Variants in ASXL1 observed in about 807,000 individuals in gnomAD.
ASXL1 encodes polycomb group protein ASXL1.
In ASXL1, 65 loss-of-function variants were observed where a neutral mutation model predicts 89.1. The ratio of observed to expected loss-of-function variants is 0.73; its 90% CI spans 0.60 to 0.90. The LOEUF (loss-of-function observed/expected upper bound fraction) is 0.90. ASXL1 is among the 40% of genes least tolerant of loss of function. The probability of loss-of-function intolerance (pLI) is 0.00; values close to 1 mark genes in which losing one functional copy is unlikely to be tolerated. For synonymous variants in ASXL1, 739 were observed against 746.9 expected (o/e 0.99, Z 0.17); for missense variants, 1,786 against 1,942.9 (o/e 0.92, Z 1.52).
chr20:32,434,648 G>A lies in ASXL1; in HGVS notation c.1936G>A (p.Gly646Ser). The A allele has an allele frequency of 1.2e-6, 2 of 1,605,532 alleles. No individual in the cohort carries two copies. The highest frequency in any genetic ancestry group is 1.7e-6 in the Non-Finnish European group (2 of 1,175,842). The change falls in exon 13 of 13, where the codon GGC becomes AGC. Residue 646 changes from glycine (G) to serine (S), a missense_variant. Transcript: ENST00000375687. ...AATTAIGGGG[G>S]PGGGGGGATD... ...CACCACTGCCATCGGAGGGGGGGGT[G>A]GCCCGGGTGGAGGTGGCGGCGGGGC...
In ASXL1 at chr20:32,429,198, T is replaced by C; in HGVS notation, c.472-140T>C. 1.2e-6 allele frequency: 1 copy of C among 822,930 alleles called. No individual in the cohort carries two copies. Among genetic ancestry groups the C allele is most frequent in the Non-Finnish European group, 2.0e-6 (1 of 488,564 alleles). The allele number at this position is 822,930 out of a possible 1,614,324, so 51.0% of individuals were successfully genotyped here. On this transcript the variant is annotated intron_variant, in intron 6 of 12. Transcript: ENST00000375687. The surrounding 1 kb of genome is among the most constrained non-coding windows in gnomAD (Gnocchi z 4.9). Reference sequence around the variant, plus strand: ...GTAGCTCAGTAACATTAACCAGTGCTCTTGTCAGCATTATTTGACAGATCT... The same window carrying C: ...GTAGCTCAGTAACATTAACCAGTGCCCTTGTCAGCATTATTTGACAGATCT...
intron 4 of ASXL1, among the ~76,000 whole-genome samples, chr20:32,407,981 A>G (rs2048983677): frequency 6.6e-6 from 1 of 152,188 alleles, no homozygotes; most frequent in Non-Finnish European, 1.5e-5. Flanking sequence ...TTTGTCACCC[A>G]GGCTGGAGTG....
At chr20:32,376,222 G>GTTATTTTATTTTATTTTTATT (rs2048375360) in intron 4 of ASXL1, among the ~76,000 whole-genome samples, 1 of 151,904 alleles carries the variant, frequency 6.6e-6, no homozygotes, top group African/African-American at 2.4e-5. Flanking sequence ...GAAGACACCA[G>GTTATTTTATTTTATTTTTATT]TTATTTTATT....
Position 32,434,963 on chromosome 20 carries a change from G to GT in ASXL1, c.2253dup (p.Ala752CysfsTer22). ...GCTAGGAGATGCCTCCCAACTCCCC[G>GT]TTGCTCCCACTGGGGACCAGCCATG... is the stretch of plus-strand genomic sequence containing the variant. On this transcript the variant is annotated frameshift_variant, in exon 13 of 13. Transcript: ENST00000375687. LOFTEE classifies it low-confidence loss of function (END_TRUNC). 6.2e-7 allele frequency: 1 copy of GT among 1,614,054 alleles called. No homozygotes were observed. Among genetic ancestry groups the GT allele is most frequent in the Non-Finnish European group, 8.5e-7 (1 of 1,180,014 alleles).
In ASXL1 at chr20:32,393,380, T is replaced by C. The variant is rs76499807; in HGVS notation, c.252+24257T>C. The stretch of plus-strand genomic sequence containing the variant: ...TCTTTATGTTTAAAGTGGTTTTTTT[T>C]CCCAGGCATCATGTGTTTGGGATCT... On this transcript the variant is annotated intron_variant, in intron 4 of 12. Coordinates refer to ENST00000375687, the MANE Select transcript of ASXL1 (RefSeq NM_015338.6). Among the ~76,000 whole-genome samples, 99 of 152,354 alleles carry C rather than the reference T, an allele frequency of 6.5e-4. 2 individuals carry two copies. Among genetic ancestry groups the C allele is most frequent in the African/African-American group, 1.3e-3 (56 of 41,584 alleles).
At chr20:32,418,957 C>T (rs932945350) in intron 4 of ASXL1, among the ~76,000 whole-genome samples, 1 of 150,256 alleles carries the variant, frequency 6.7e-6, no homozygotes, top group Non-Finnish European at 1.5e-5. Flanking sequence ...CTTAGCCTTG[C>T]GAGTAGCTAG....
At position 32,436,780 on chromosome 20, in the gene ASXL1, G is replaced by A; in HGVS notation, c.4068G>A (p.Trp1356Ter). ...GGGTACAGACTCCAAGGGAAGACTGGGCTCCAAAGCCACATGCCTTTGTTG... is the reference window on the plus strand; with the variant it reads ...GGGTACAGACTCCAAGGGAAGACTGAGCTCCAAAGCCACATGCCTTTGTTG... ...SGGVQTPRED[W>*]APKPHAFVGS... Residue 1356 changes from tryptophan to a stop codon, truncating the protein, a stop_gained, in exon 13 of 13, where the codon TGG (tryptophan) becomes TGA (stop). Transcript: ENST00000375687. LOFTEE classifies it high-confidence loss of function. 1 of 1,614,196 alleles carries A rather than the reference G, an allele frequency of 6.2e-7. No homozygotes were observed. The highest frequency in any genetic ancestry group is 8.5e-7 in the Non-Finnish European group (1 of 1,180,048).
intron 4 of ASXL1, among the ~76,000 whole-genome samples, chr20:32,421,376 T>C (rs1388453325): frequency 1.3e-5 from 2 of 151,996 alleles, no homozygotes; most frequent in African/African-American, 2.4e-5. Flanking sequence ...CCCACTAGAA[T>C]GGCTAAAATA....
chr20:32,369,140 C>G lies in ASXL1; in HGVS notation c.252+17C>G. The G allele has an allele frequency of 6.3e-7, 1 of 1,580,030 alleles. No homozygotes were observed. Among genetic ancestry groups the G allele is most frequent in the South Asian group, 1.1e-5 (1 of 90,408 alleles). ...ACGCTCAAGGTAAGTGATATGAACT[C>G]TCTTTTGGTGCAGTGATTCTTGGAC... On this transcript the variant is annotated intron_variant, in intron 4 of 12. Coordinates refer to ENST00000375687, the MANE Select transcript of ASXL1 (RefSeq NM_015338.6).
chr20:32,397,010 A>AC (rs11483806), intron 4 of ASXL1, among the ~76,000 whole-genome samples: 51,151 of 146,644 alleles, frequency 0.35, 10,108 homozygotes, highest in East Asian at 0.74. Flanking sequence ...AAAAACAAAC[A>AC]AAAAAAACTC....
chr20:32,381,402 G>C (rs1165866937), intron 4 of ASXL1, among the ~76,000 whole-genome samples: 2 of 151,690 alleles, frequency 1.3e-5, no homozygotes, highest in Non-Finnish European at 2.9e-5. Flanking sequence ...AGGTCTTACT[G>C]TGTTGCCCAG....
intron 3 of ASXL1, among the ~76,000 whole-genome samples, chr20:32,368,092 TC>T (rs2048236298): frequency 6.6e-6 from 1 of 152,194 alleles, no homozygotes; most frequent in South Asian, 2.1e-4. Context: ...AATTAGGGCT[TC>T]TAGTTCTGAA....
At chr20:32,432,604 G>A in intron 10 of ASXL1, 1 of 405,526 alleles carries the variant, frequency 2.5e-6, no homozygotes, top group Non-Finnish European at 4.7e-6. Flanking sequence ...TAAACAATCA[G>A]GCCTACCTAC....
At chr20:32,406,907 T>G (rs1419030949) in intron 4 of ASXL1, among the ~76,000 whole-genome samples, 1 of 152,190 alleles carries the variant, frequency 6.6e-6, no homozygotes, top group Non-Finnish European at 1.5e-5. Context: ...CTTGTCTACC[T>G]AGCCTCAGGC....
At chr20:32,375,075 G>T (rs925929130) in intron 4 of ASXL1, among the ~76,000 whole-genome samples, 1 of 151,870 alleles carries the variant, frequency 6.6e-6, no homozygotes, top group Non-Finnish European at 1.5e-5. Flanking sequence ...TCGAACTCCT[G>T]ACCTCAAGGC....
rs11549643 is a variant in ASXL1 at position 32,436,080 on chromosome 20, C to T, written c.3368C>T (p.Pro1123Leu). The change falls in exon 13 of 13, where the codon CCA becomes CTA. Residue 1123 changes from proline to leucine, a missense_variant. Physicochemically the swap from Pro to Leu is moderately conservative, Grantham distance 98. Coordinates refer to ENST00000375687, the MANE Select transcript of ASXL1 (RefSeq NM_015338.6). ...AGCTTGCCCCTAGAGAAGGTTCTTC[C>T]ACCAGCCCACGATGACAGCATGTCA... The part of the protein sequence containing the change: ...QGSLPLEKVL[P>L]PAHDDSMSES... The T allele has an allele frequency of 1.2e-6, 2 of 1,614,192 alleles. No homozygotes were observed. Among genetic ancestry groups the T allele is most frequent in the Non-Finnish European group, 1.7e-6 (2 of 1,180,046 alleles).
At chr20:32,384,497 G>A (rs1020546329) in intron 4 of ASXL1, among the ~76,000 whole-genome samples, 6 of 152,128 alleles carry the variant, frequency 3.9e-5, no homozygotes, top group African/African-American at 1.4e-4. Flanking sequence ...TGCCCGGCCA[G>A]CAATCTGGTT....
At chr20:32,361,248 G>A (rs1218849211) in intron 1 of ASXL1, among the ~76,000 whole-genome samples, 1 of 152,208 alleles carries the variant, frequency 6.6e-6, no homozygotes, top group Non-Finnish European at 1.5e-5. Flanking sequence ...TCAGGAGGCT[G>A]AGGATAGCTT....
In ASXL1 at chr20:32,436,893, A is replaced by C; in HGVS notation, c.4181A>C (p.Glu1394Ala). 1 of 1,614,198 alleles carries C rather than the reference A, an allele frequency of 6.2e-7. No homozygotes were observed. Among genetic ancestry groups the C allele is most frequent in the South Asian group, 1.1e-5 (1 of 91,086 alleles). The change falls in exon 13 of 13, where the codon GAA becomes GCA. Residue 1394 changes from glutamate (E) to alanine (A), a missense_variant. By Grantham distance (107) the Glu-to-Ala change is moderately radical. Transcript: ENST00000375687. Reference protein sequence around the residue: ...NRKATGHSPLELVGHLEGMPF... With the variant: ...NRKATGHSPLALVGHLEGMPF... ...AAAGCTACTGGGCATAGTCCCCTGGAACTGGTGGGTCACTTGGAAGGGATG... is the reference window on the plus strand; with the variant it reads ...AAAGCTACTGGGCATAGTCCCCTGGCACTGGTGGGTCACTTGGAAGGGATG...
Sources: allele counts gnomAD v4.1 joint callset (sites outside exome capture counted in the v4.1 genomes callset), GRCh38; gene constraint gnomAD v4.1.1; non-coding constraint Gnocchi (gnomAD v3.1); transcripts MANE v1.5; gene names NCBI Gene and HGNC (gene_info 2026-07-23, HGNC 2026-07-21).